The following SDK1 variants were observed in gnomAD, a reference collection of about 807,000 sequenced individuals.
The protein encoded by SDK1 is protein sidekick-1.
A neutral mutation model predicts 245.5 loss-of-function variants in SDK1; 157 were observed. The observed-to-expected ratio is 0.64, with a 90% CI of 0.56 to 0.73. SDK1 has a LOEUF of 0.73. Among genes scored for constraint, SDK1 ranks in the 30% least tolerant of loss-of-function variants. The pLI is 0.00. For synonymous variants in SDK1, 1,647 were observed against 1,278.5 expected, an observed-to-expected ratio of 1.29 and a Z score of -6.15; for missense variants, 3,583 against 3,002.3, an observed-to-expected ratio of 1.19 and a Z score of -4.52.
In SDK1 at chr7:3,774,934, A is replaced by G. The variant is rs10237489; in HGVS notation, c.714-46516A>G. Among the ~76,000 whole-genome samples, 838 of 152,294 alleles carry G rather than the reference A, an allele frequency of 5.5e-3. 9 individuals carry two copies. The highest frequency in any genetic ancestry group is 0.019 in the African/African-American group (805 of 41,548). ...CCTGTGAGGGAAGCCTTTTGCTTCT[A>G]TGGTGGGTCCTCTGTGGAAGGTGCG... On this transcript the variant is annotated intron_variant, in intron 4 of 44. Transcript: ENST00000404826.
chr7:3,635,704 C>T (rs1157463567), intron 2 of SDK1, among the ~76,000 whole-genome samples: 5 of 151,964 alleles, frequency 3.3e-5, no homozygotes, highest in African/African-American at 4.8e-5. Context: ...TATTTGAGCT[C>T]CTTTTCTTTT....
At chr7:3,718,270 T>C (rs1177354667) in intron 4 of SDK1, among the ~76,000 whole-genome samples, 1 of 151,990 alleles carries the variant, frequency 6.6e-6, no homozygotes, top group African/African-American at 2.4e-5. Context: ...AAGGCCGAGA[T>C]GGGTGGAATC....
At chr7:3,809,051 A>T (rs749068736) in intron 4 of SDK1, among the ~76,000 whole-genome samples, 4 of 152,078 alleles carry the variant, frequency 2.6e-5, no homozygotes, top group Non-Finnish European at 5.9e-5. Flanking sequence ...GGGGTAATTT[A>T]TAAAGAAAAA....
chr7:4,100,187 C>T (rs1782441954), intron 22 of SDK1, among the ~76,000 whole-genome samples: 1 of 152,132 alleles, frequency 6.6e-6, no homozygotes, highest in African/African-American at 2.4e-5. Flanking sequence ...CCCTGTTTCC[C>T]CTTGAGAGGG....
chr7:4,228,901 C>G (rs1785589732), intron 40 of SDK1, among the ~76,000 whole-genome samples: 1 of 152,112 alleles, frequency 6.6e-6, no homozygotes, highest in African/African-American at 2.4e-5. Context: ...GCTGGCTCTT[C>G]CGGACATCCC....
intron 1 of SDK1, among the ~76,000 whole-genome samples, chr7:3,502,743 A>G (rs949767652): frequency 6.6e-6 from 1 of 152,190 alleles, no homozygotes; most frequent in African/African-American, 2.4e-5. Flanking sequence ...CTATGTGTTT[A>G]CAATGTGGAA....
chr7:4,053,086 CAAAA>C (rs923402926), intron 19 of SDK1, among the ~76,000 whole-genome samples: 2 of 60,136 alleles, frequency 3.3e-5, no homozygotes. Context: ...GACTCTGTCT[CAAAA>C]AAAAAAAAAA....
intron 15 of SDK1, 23 bp downstream of exon 15, chr7:4,011,136 G>C (rs374457778): frequency 2.5e-6 from 4 of 1,611,328 alleles, no homozygotes; most frequent in South Asian, 2.2e-5. Flanking sequence ...CGCCCCAGGT[G>C]GGGGTGTGGA....
At chr7:3,855,990 T>A (rs534499951) in intron 5 of SDK1, among the ~76,000 whole-genome samples, 1 of 152,270 alleles carries the variant, frequency 6.6e-6, no homozygotes, top group Admixed American at 6.5e-5. Context: ...TAATAAAGAA[T>A]TTACTGAAAC....
intron 5 of SDK1, among the ~76,000 whole-genome samples, chr7:3,882,534 A>G (rs560002493): frequency 9.2e-5 from 14 of 152,294 alleles, no homozygotes; most frequent in African/African-American, 3.4e-4. Context: ...TTTGGATTCT[A>G]CTCATTTAGA....
chr7:4,115,088 C>T (rs1242433117), intron 25 of SDK1, among the ~76,000 whole-genome samples: 1 of 152,162 alleles, frequency 6.6e-6, no homozygotes, highest in African/African-American at 2.4e-5. Context: ...CTTTTCTTGC[C>T]CCCCTCCTTA....
At chr7:4,243,840 C>G (rs1786674435) in intron 43 of SDK1, among the ~76,000 whole-genome samples, 1 of 152,176 alleles carries the variant, frequency 6.6e-6, no homozygotes, top group Non-Finnish European at 1.5e-5. Context: ...GGCAGGGACA[C>G]CTGAGATTGG....
intron 1 of SDK1, chr7:3,338,394 C>T (rs1365698144): frequency 2.5e-5 from 13 of 523,726 alleles, no homozygotes; most frequent in East Asian, 4.9e-5. Flanking sequence ...AACTAATGTG[C>T]GTGTTGAGCA....
intron 5 of SDK1, among the ~76,000 whole-genome samples, chr7:3,908,846 G>GTTTTTTTTTTTATT (rs1779054576): frequency 6.7e-6 from 1 of 148,318 alleles, no homozygotes. Flanking sequence ...TTTTTTTTTG[G>GTTTTTTTTTTTATT]TACCTTAGAA....
chr7:3,357,503 C>T lies in SDK1; in HGVS notation c.298+55619C>T, dbSNP rs542764100. Among the ~76,000 whole-genome samples, 133 of 151,512 alleles carry T rather than the reference C, an allele frequency of 8.8e-4. 1 individual carries two copies. Among genetic ancestry groups the T allele is most frequent in the Non-Finnish European group, 1.5e-3 (105 of 67,842 alleles). ...GCATCTGGGTTTCAGGTGCATGCCA[C>T]GATACCTGGCTTAATTTTTTTTTTT... On this transcript the variant is annotated intron_variant, in intron 1 of 44. Coordinates refer to ENST00000404826, the MANE Select transcript of SDK1 (RefSeq NM_152744.4).
intron 4 of SDK1, among the ~76,000 whole-genome samples, chr7:3,721,172 T>G (rs901701993): frequency 2.6e-5 from 4 of 152,194 alleles, no homozygotes; most frequent in African/African-American, 9.6e-5. Context: ...GTGATGGAAC[T>G]GTTCCCTCTC....
intron 1 of SDK1, among the ~76,000 whole-genome samples, chr7:3,515,590 A>G (rs1312371350): frequency 6.6e-6 from 1 of 152,210 alleles, no homozygotes; most frequent in Non-Finnish European, 1.5e-5. Context: ...CTCTTAAAAT[A>G]GTAGACTTCT....
rs547674237 is a variant in SDK1 at position 3,553,736 on chromosome 7, C to G, written c.299-65344C>G. On this transcript the variant is annotated intron_variant, in intron 1 of 44. Coordinates refer to ENST00000404826, the MANE Select transcript of SDK1 (RefSeq NM_152744.4). ...TGCAACAAATGGTCCAGCTGAGTAGCTTCTTTGTCCTCATGCACCTAAGAC... is the reference window on the plus strand; with the variant it reads ...TGCAACAAATGGTCCAGCTGAGTAGGTTCTTTGTCCTCATGCACCTAAGAC... Among the ~76,000 whole-genome samples the G allele has an allele frequency of 3.9e-5, 6 of 152,264 alleles. No individual in the cohort carries two copies. The East Asian group carries it at 1.2e-3, about 29-fold the overall frequency.
At chr7:3,978,330 CCTA>C (rs1183187410) in intron 13 of SDK1, among the ~76,000 whole-genome samples, 1 of 152,084 alleles carries the variant, frequency 6.6e-6, no homozygotes, top group African/African-American at 2.4e-5. Context: ...ACATGTCTTC[CCTA>C]CTATTTGCTT....
Sources: gnomAD v4.1 joint callset for allele counts (sites outside exome capture counted in the v4.1 genomes callset) on GRCh38, gnomAD v4.1.1 for gene constraint, MANE v1.5 for transcripts, NCBI Gene and HGNC (gene_info 2026-07-23, HGNC 2026-07-21) for gene names.